The following ACER3 variants were observed in gnomAD, a reference collection of about 807,000 sequenced individuals.
ACER3 encodes alkaline ceramidase 3, also known as alkCDase 3.
A neutral mutation model predicts 48.9 loss-of-function variants in ACER3; 16 were observed. That is an observed-to-expected ratio of 0.33 (90% CI 0.22 to 0.50). ACER3 has a LOEUF of 0.50. ACER3 is among the 20% of genes least tolerant of loss of function. The pLI, the probability that ACER3 is intolerant of heterozygous loss-of-function variation, is 0.98. For missense variants in ACER3, 227 were observed against 326.0 expected (o/e 0.70, Z 2.34); for synonymous variants, 109 against 107.8 (o/e 1.01, Z -0.07).
intron 2 of ACER3, among the ~76,000 whole-genome samples, chr11:76,930,551 T>C (rs1287316403): frequency 6.6e-6 from 1 of 152,074 alleles, no homozygotes; most frequent in Non-Finnish European, 1.5e-5. Context: ...CTTTTAATTG[T>C]GATGTTAGGG....
At chr11:76,887,879 C>T (rs1471292143) in intron 1 of ACER3, among the ~76,000 whole-genome samples, 2 of 134,632 alleles carry the variant, frequency 1.5e-5, no homozygotes, top group Non-Finnish European at 3.1e-5. Flanking sequence ...AGTGCAGTTG[C>T]ACGATCACAG....
intron 1 of ACER3, among the ~76,000 whole-genome samples, chr11:76,864,437 A>T (rs1051435586): frequency 6.6e-6 from 1 of 152,206 alleles, no homozygotes; most frequent in East Asian, 1.9e-4. Context: ...TTGGTTATGA[A>T]TATGTAGGGA....
rs1949550848 is a variant in ACER3, at chr11:77,026,441, A to G, written c.*6114A>G. On this transcript the variant is annotated 3_prime_UTR_variant, in exon 11 of 11. Transcript: ENST00000532485. ...ATGGACTCATGTGGCATTGTTCACT[A>G]TCATGCCTTTCCATACTTGTAATAT... 6.6e-6 allele frequency: 1 copy of G among 152,188 alleles called. No individual in the cohort carries two copies. The highest frequency in any genetic ancestry group is 2.1e-4 in the South Asian group (1 of 4,828). The allele number at this position is 152,188 out of a possible 1,614,324, so 9.4% of individuals were successfully genotyped here.
chr11:76,985,568 A>G (rs1777499627), intron 4 of ACER3, 75 bp from the exon 5 acceptor site: 9 of 904,572 alleles, frequency 9.9e-6, no homozygotes, highest in Non-Finnish European at 1.5e-5. Context: ...GATATAGGCA[A>G]GTGGTAAAGC....
At chr11:76,864,709 C>T (rs186605583) in intron 1 of ACER3, among the ~76,000 whole-genome samples, 257 of 148,818 alleles carry the variant, frequency 1.7e-3, no homozygotes, top group Non-Finnish European at 3.1e-3. Flanking sequence ...AAGCAGTTCT[C>T]CTGCCTCAGC....
chr11:77,013,427 A>ATTTT lies in ACER3; in HGVS notation c.498-1588_498-1587insTTTT, dbSNP rs1191063279. Among the ~76,000 whole-genome samples, 3 of 152,358 alleles carry ATTTT rather than the reference A, an allele frequency of 2.0e-5. No homozygotes were observed. In the East Asian group the frequency reaches 5.8e-4, roughly 29 times the overall value. ...AAACTGAATAATAAGAAGGCAAACA[A>ATTTT]TAATGTATCAAAGAAGATGTATGGG... On this transcript the variant is annotated intron_variant, in intron 7 of 10. Coordinates refer to ENST00000532485, the MANE Select transcript of ACER3 (RefSeq NM_018367.7).
intron 1 of ACER3, among the ~76,000 whole-genome samples, chr11:76,878,816 C>G (rs948670993): frequency 5.9e-5 from 9 of 152,172 alleles, no homozygotes; most frequent in African/African-American, 2.2e-4. Context: ...TCCACATCCC[C>G]AACAATGTTT....
At chr11:76,886,030 A>G (rs1307879456) in intron 1 of ACER3, among the ~76,000 whole-genome samples, 2 of 152,260 alleles carry the variant, frequency 1.3e-5, no homozygotes, top group African/African-American at 2.4e-5. Context: ...AACCAAGTAT[A>G]TAAGTGTTTT....
chr11:76,861,168 G>A, intron 1 of ACER3, 89 bp downstream of exon 1: 1 of 1,292,654 alleles, frequency 7.7e-7, no homozygotes, highest in Non-Finnish European at 1.1e-6. Context: ...GAACCTGGCC[G>A]CGAAGGGAGG....
intron 1 of ACER3, among the ~76,000 whole-genome samples, chr11:76,906,075 C>T (rs1946224240): frequency 6.6e-6 from 1 of 152,194 alleles, no homozygotes; most frequent in South Asian, 2.1e-4. Context: ...TGCCTTCGCT[C>T]ATTACTGTGT....
chr11:76,940,013 A>G (rs2134917643), intron 2 of ACER3, among the ~76,000 whole-genome samples: 1 of 152,316 alleles, frequency 6.6e-6, no homozygotes, highest in South Asian at 2.1e-4. Flanking sequence ...TTATAATATG[A>G]TCATGTAAGA....
chr11:76,971,220 C>T (rs531987944), intron 3 of ACER3, among the ~76,000 whole-genome samples: 303 of 152,110 alleles, frequency 2.0e-3, no homozygotes, highest in Non-Finnish European at 3.7e-3. Flanking sequence ...AAATTTTTCC[C>T]CAAAGGCTCA....
intron 3 of ACER3, among the ~76,000 whole-genome samples, chr11:76,974,680 A>C (rs1394201107): frequency 2.0e-5 from 3 of 152,342 alleles, no homozygotes; most frequent in African/African-American, 4.8e-5. Context: ...GTCCTGTGGT[A>C]GGAAAGAAAC....
chr11:76,883,514 C>G (rs888114864), intron 1 of ACER3, among the ~76,000 whole-genome samples: 1 of 142,122 alleles, frequency 7.0e-6, no homozygotes, highest in Non-Finnish European at 1.5e-5. Flanking sequence ...GATCTCAGCT[C>G]ACTGCAACCT....
chr11:76,994,022 C>T, intron 6 of ACER3: 1 of 379,022 alleles, frequency 2.6e-6, no homozygotes, highest in East Asian at 7.6e-5. Context: ...ACAAGTTCAC[C>T]CAGGGATTTG....
intron 3 of ACER3, among the ~76,000 whole-genome samples, chr11:76,975,974 G>A (rs957041331): frequency 6.9e-6 from 1 of 145,906 alleles, no homozygotes; most frequent in African/African-American, 2.6e-5. Flanking sequence ...CGACCTCTCA[G>A]GCTCAAGCGA....
At chr11:76,899,776 GCA>G (rs1430485946) in intron 1 of ACER3, among the ~76,000 whole-genome samples, 2 of 152,052 alleles carry the variant, frequency 1.3e-5, no homozygotes, top group Non-Finnish European at 1.5e-5. Flanking sequence ...GATTCCCTAG[GCA>G]CACCATGTTC....
At chr11:76,933,344 A>G (rs10899322) in intron 2 of ACER3, among the ~76,000 whole-genome samples, 75,974 of 138,110 alleles carry the variant, frequency 0.55, 23,951 homozygotes, top group Non-Finnish European at 0.73. Context: ...GGATTTGGCA[A>G]GGTCATAGGA....
At chr11:76,956,701 C>A (rs1255241721) in intron 2 of ACER3, among the ~76,000 whole-genome samples, 1 of 76,602 alleles carries the variant, frequency 1.3e-5, no homozygotes, top group South Asian at 4.0e-4. Context: ...TTTTTTTTTA[C>A]TTCATAGTAT....
Sources: allele counts gnomAD v4.1 joint callset (sites outside exome capture counted in the v4.1 genomes callset), GRCh38; gene constraint gnomAD v4.1.1; transcripts MANE v1.5; gene names NCBI Gene and HGNC (gene_info 2026-07-23, HGNC 2026-07-21).